Variants in FAM53B observed in about 807,000 individuals in gnomAD.
FAM53B encodes the protein protein FAM53B.
In FAM53B, 12 loss-of-function variants were observed where a neutral mutation model predicts 32.7. That is an observed-to-expected ratio of 0.37 (90% CI 0.24 to 0.59). The LOEUF (loss-of-function observed/expected upper bound fraction) is 0.59, where lower values mean the gene tolerates loss of function less well. Among genes scored for constraint, FAM53B ranks in the 20% least tolerant of loss-of-function variants. FAM53B has a pLI of 0.72. For missense variants in FAM53B, 477 were observed against 577.7 expected (o/e 0.83, Z 1.79); for synonymous variants, 234 against 228.7 (o/e 1.02, Z -0.21).
At chr10:124,721,030 T>A (rs1394478491) in intron 1 of FAM53B, among the ~76,000 whole-genome samples, 3 of 151,982 alleles carry the variant, frequency 2.0e-5, no homozygotes, top group African/African-American at 7.3e-5. Flanking sequence ...CAAAATCCCA[T>A]CTCTACCAAA....
At chr10:124,676,662 G>A (rs1362172782) in intron 4 of FAM53B, among the ~76,000 whole-genome samples, 29 of 152,108 alleles carry the variant, frequency 1.9e-4, no homozygotes, top group Non-Finnish European at 2.9e-5. Context: ...AAAGAGCTGC[G>A]AGTCACTGAT....
At chr10:124,639,771 C>T (rs990694719) in intron 4 of FAM53B, among the ~76,000 whole-genome samples, 24 of 152,042 alleles carry the variant, frequency 1.6e-4, no homozygotes, top group African/African-American at 4.6e-4. Flanking sequence ...TGCCTAGCTG[C>T]GTCTGAGTGA....
At chr10:124,642,293 G>A (rs1176121458) in intron 4 of FAM53B, among the ~76,000 whole-genome samples, 2 of 152,242 alleles carry the variant, frequency 1.3e-5, no homozygotes, top group Non-Finnish European at 2.9e-5. Context: ...CAGGGAAGGA[G>A]AGGACAGCCA....
intron 1 of FAM53B, among the ~76,000 whole-genome samples, chr10:124,739,954 A>AAAAC (rs989984401): frequency 3.9e-5 from 6 of 152,204 alleles, no homozygotes; most frequent in African/African-American, 1.4e-4. Context: ...ATTTAACAAA[A>AAAAC]AAACAAACAA....
At chr10:124,714,486 C>T (rs1374519165) in intron 1 of FAM53B, among the ~76,000 whole-genome samples, 1 of 152,090 alleles carries the variant, frequency 6.6e-6, no homozygotes, top group East Asian at 1.9e-4. Context: ...TCTTGCCGGG[C>T]GTGGTGGCTC....
intron 4 of FAM53B, among the ~76,000 whole-genome samples, chr10:124,680,255 C>T (rs1167728177): frequency 6.6e-6 from 1 of 152,208 alleles, no homozygotes; most frequent in Non-Finnish European, 1.5e-5. Context: ...CCTTCAGGCT[C>T]TCCCCCAAGC....
At chr10:124,711,298 G>A (rs982065390) in intron 1 of FAM53B, among the ~76,000 whole-genome samples, 1 of 152,146 alleles carries the variant, frequency 6.6e-6, no homozygotes, top group African/African-American at 2.4e-5. Context: ...ATGAATGGCT[G>A]TCAGGGGTTG....
Position 124,623,194 on chromosome 10 carries a change from G to T in FAM53B, c.*48C>A. ...AGGGCCCACCTAGTGCCCAGAGTGG[G>T]GGCTGTCGATGCCAGCACACCCCAG... On this transcript the variant is annotated 3_prime_UTR_variant, in exon 5 of 5. Transcript: ENST00000337318. The T allele has an allele frequency of 6.6e-7, 1 of 1,526,074 alleles. No homozygotes were observed. 94.5% of individuals were successfully genotyped at this position (1,526,074 alleles called of 1,614,324 possible).
At position 124,682,762 on chromosome 10, in the gene FAM53B, G is replaced by A. The variant is rs190034164; in HGVS notation, c.134-383C>T. Among the ~76,000 whole-genome samples the A allele has an allele frequency of 2.0e-5, 3 of 152,380 alleles. No homozygotes were observed. Among genetic ancestry groups the A allele is most frequent in the Non-Finnish European group, 4.4e-5 (3 of 68,040 alleles). ...TGAACCCTGCCCCTGGCTGATGAGAGAGTCGGGACAAGACATCTGTTAAGT... is the reference window on the plus strand; with the variant it reads ...TGAACCCTGCCCCTGGCTGATGAGAAAGTCGGGACAAGACATCTGTTAAGT... On this transcript the variant is annotated intron_variant, in intron 3 of 4. Transcript: ENST00000337318. This position sits in a 1 kb window ranked among gnomAD's most constrained non-coding sequence, Gnocchi z 5.2.
chr10:124,643,861 C>T (rs1476467263), intron 4 of FAM53B, among the ~76,000 whole-genome samples: 2 of 152,218 alleles, frequency 1.3e-5, no homozygotes, highest in Non-Finnish European at 2.9e-5. Context: ...TTTCTGACCA[C>T]CGCCCCATCC....
chr10:124,723,406 C>CG (rs1271218662), intron 1 of FAM53B, among the ~76,000 whole-genome samples: 1 of 152,224 alleles, frequency 6.6e-6, no homozygotes, highest in Non-Finnish European at 1.5e-5. Context: ...TCCTGATTCA[C>CG]GGAGGGGCTG....
intron 4 of FAM53B, among the ~76,000 whole-genome samples, chr10:124,656,894 TG>T (rs1194725932): frequency 7.0e-6 from 1 of 142,336 alleles, no homozygotes; most frequent in Non-Finnish European, 1.5e-5. Flanking sequence ...TGTTGTGGGG[TG>T]GGGGGAGAGG....
At chr10:124,649,053 AG>A (rs1415046813) in intron 4 of FAM53B, among the ~76,000 whole-genome samples, 1 of 152,232 alleles carries the variant, frequency 6.6e-6, no homozygotes, top group Non-Finnish European at 1.5e-5. Context: ...GTGGAAGGCC[AG>A]GTCTGGTCAC....
intron 4 of FAM53B, among the ~76,000 whole-genome samples, chr10:124,626,952 G>T (rs1214237884): frequency 6.6e-6 from 1 of 152,232 alleles, no homozygotes; most frequent in Non-Finnish European, 1.5e-5. Context: ...GAAGCAGGGG[G>T]AGTCTACAAG....
chr10:124,708,042 G>A (rs1488324706), intron 1 of FAM53B: 1 of 152,140 alleles, frequency 6.6e-6, no homozygotes, highest in Non-Finnish European at 1.5e-5. Flanking sequence ...ATTTCCCCAT[G>A]TGGCTAAACC....
intron 1 of FAM53B, among the ~76,000 whole-genome samples, chr10:124,727,392 A>G (rs76294802): frequency 0.014 from 2,107 of 150,478 alleles, 62 homozygotes; most frequent in African/African-American, 0.048. Context: ...TCACAGGGCC[A>G]TTCACAGGGT....
intron 4 of FAM53B, among the ~76,000 whole-genome samples, chr10:124,672,789 A>G (rs908971969): frequency 2.0e-5 from 3 of 152,198 alleles, no homozygotes; most frequent in African/African-American, 7.2e-5. Context: ...AGTGGCAAGG[A>G]GCAGCTGGGC....
chr10:124,624,232 T>C (rs1367091464), intron 4 of FAM53B, among the ~76,000 whole-genome samples: 2 of 152,072 alleles, frequency 1.3e-5, no homozygotes, highest in East Asian at 3.9e-4. Flanking sequence ...CTCTACCCAC[T>C]CTCCACAACC....
At chr10:124,712,513 G>A (rs567745611) in intron 1 of FAM53B, among the ~76,000 whole-genome samples, 2 of 152,232 alleles carry the variant, frequency 1.3e-5, no homozygotes, top group East Asian at 1.9e-4. Flanking sequence ...AGTAGCAATC[G>A]TGGGCCGCAC....
Sources: allele counts gnomAD v4.1 joint callset (sites outside exome capture counted in the v4.1 genomes callset), GRCh38; gene constraint gnomAD v4.1.1; non-coding constraint Gnocchi (gnomAD v3.1); transcripts MANE v1.5; gene names NCBI Gene and HGNC (gene_info 2026-07-23, HGNC 2026-07-21).